Variants in FAM120A observed in about 807,000 individuals in gnomAD.
FAM120A encodes the protein constitutive coactivator of PPAR-gamma-like protein 1.
FAM120A carries 15 observed loss-of-function variants against 109.7 expected under a neutral mutation model. That is an observed-to-expected ratio of 0.14 (90% confidence interval 0.09 to 0.21). FAM120A has a LOEUF of 0.21. FAM120A is among the 10% of genes least tolerant of loss of function. The probability of loss-of-function intolerance (pLI) is 1.00; values close to 1 mark genes in which losing one functional copy is unlikely to be tolerated. For missense variants in FAM120A, 899 were observed against 1,439.3 expected, an observed-to-expected ratio of 0.62 and a Z score of 6.07; for synonymous variants, 493 against 572.8, an observed-to-expected ratio of 0.86 and a Z score of 1.99.
chr9:93,489,371 G>C (rs1344333961), intron 3 of FAM120A, among the ~76,000 whole-genome samples: 1 of 152,108 alleles, frequency 6.6e-6, no homozygotes, highest in Non-Finnish European at 1.5e-5. Flanking sequence ...ATACATGACA[G>C]GTATTCCCCC....
At chr9:93,557,294 T>C (rs1489801477) in intron 13 of FAM120A, among the ~76,000 whole-genome samples, 1 of 152,152 alleles carries the variant, frequency 6.6e-6, no homozygotes, top group African/African-American at 2.4e-5. Context: ...CATGCCCAGC[T>C]AATTTTTGTA....
Position 93,471,369 on chromosome 9 carries a change from A to G in FAM120A, c.703A>G (p.Ile235Val), listed in dbSNP as rs368570688. The part of the protein sequence containing the change: ...QLDLNPNRFP[I>V]FAALLGNHIL... ...GGACCTGAATCCAAATCGTTTTCCT[A>G]TTTTTGCTGCTCTCTTAGGTAGGTG... The change falls in exon 2 of 18, where the codon ATT becomes GTT. Residue 235 changes from isoleucine (I) to valine (V), a missense_variant. Physicochemically the swap from Ile to Val is conservative, Grantham distance 29. Transcript: ENST00000277165. 1.2e-5 allele frequency: 20 copies of G among 1,614,034 alleles called. No individual in the cohort carries two copies. The highest frequency in any genetic ancestry group is 1.2e-4 in the African/African-American group (9 of 74,906).
chr9:93,453,841 T>G (rs560468332), intron 1 of FAM120A, among the ~76,000 whole-genome samples: 3 of 152,220 alleles, frequency 2.0e-5, no homozygotes, highest in Non-Finnish European at 2.9e-5. Context: ...AAAGTGTTCA[T>G]AGTTTAGTCT....
At chr9:93,509,819 TAA>T (rs1166223800) in intron 5 of FAM120A, among the ~76,000 whole-genome samples, 2 of 152,188 alleles carry the variant, frequency 1.3e-5, no homozygotes, top group Non-Finnish European at 2.9e-5. Flanking sequence ...AGTCTTTTAA[TAA>T]AAAAGAGATG....
At chr9:93,464,517 C>G (rs895340879) in intron 1 of FAM120A, among the ~76,000 whole-genome samples, 1 of 152,094 alleles carries the variant, frequency 6.6e-6, no homozygotes, top group Non-Finnish European at 1.5e-5. Context: ...TCCTGGCTGC[C>G]CCAGGTTAGA....
chr9:93,511,793 G>GTTTA (rs1255041786), intron 5 of FAM120A, among the ~76,000 whole-genome samples: 2 of 152,112 alleles, frequency 1.3e-5, no homozygotes, highest in African/African-American at 2.4e-5. Context: ...ATGTCTGCCT[G>GTTTA]TTTATTTATT....
intron 5 of FAM120A, among the ~76,000 whole-genome samples, chr9:93,507,934 G>A (rs540209748): frequency 2.0e-5 from 3 of 152,294 alleles, no homozygotes; most frequent in African/African-American, 7.2e-5. Flanking sequence ...TTCCATAAAG[G>A]GGTGGGGCTT....
In FAM120A at chr9:93,556,554, G is replaced by A; in HGVS notation, c.2447G>A (p.Arg816Gln). ...LFQSKLLKAS[R>Q]EKTPLIDLCD... ...CAATCCAAACTCCTCAAAGCCAGCC[G>A]GGAAAAGACCCCACTCATTGACCTC... The change falls in exon 13 of 18, where the codon CGG (arginine) becomes CAG (glutamine). Residue 816 changes from arginine (R) to glutamine (Q), a missense_variant. Physicochemically the swap from Arg to Gln is conservative, Grantham distance 43. Around this residue, in one of 11 missense-constraint regions of FAM120A, gnomAD observed 31 missense variants for 73.0 expected, o/e 0.42. Transcript: ENST00000277165. The A allele has an allele frequency of 2.5e-6, 4 of 1,614,144 alleles. 1 individual carries two copies. Among genetic ancestry groups the A allele is most frequent in the South Asian group, 2.2e-5 (2 of 91,078 alleles).
intron 12 of FAM120A, among the ~76,000 whole-genome samples, chr9:93,551,798 T>TA (rs1306371340): frequency 6.6e-6 from 1 of 152,162 alleles, no homozygotes; most frequent in Admixed American, 6.6e-5. Context: ...ATAAGCTAAG[T>TA]AAAAAAAACA....
chr9:93,543,074 G>T, intron 10 of FAM120A, 148 bp from the exon 11 acceptor site: 1 of 954,708 alleles, frequency 1.0e-6, no homozygotes, highest in Non-Finnish European at 1.6e-6. Flanking sequence ...ACAAGGACTT[G>T]ATGATTGGTA....
In FAM120A at chr9:93,452,557, C is replaced by A. The variant is rs1264136378; in HGVS notation, c.474+168C>A. 1.9e-6 allele frequency: 3 copies of A among 1,584,992 alleles called. No individual in the cohort carries two copies. The highest frequency in any genetic ancestry group is 2.6e-6 in the Non-Finnish European group (3 of 1,172,372). On this transcript the variant is annotated intron_variant, in intron 1 of 17. Coordinates refer to ENST00000277165, the MANE Select transcript of FAM120A (RefSeq NM_014612.5). This position sits in a 1 kb window ranked among gnomAD's most constrained non-coding sequence, Gnocchi z 7.0. ...GGCCGGGCTGCAAGATGGATGGCCG[C>A]GGGTGCAGGCCGCGCGCTGCCCAAG...
intron 7 of FAM120A, among the ~76,000 whole-genome samples, chr9:93,520,027 C>G (rs1027515983): frequency 3.9e-5 from 6 of 152,000 alleles, no homozygotes; most frequent in African/African-American, 1.4e-4. Context: ...ACATGTTCCA[C>G]CACACCCAGC....
At position 93,452,866 on chromosome 9, in the gene FAM120A, A is replaced by G. The variant is rs1230680164; in HGVS notation, c.474+477A>G. On this transcript the variant is annotated intron_variant, in intron 1 of 17. Coordinates refer to ENST00000277165, the MANE Select transcript of FAM120A (RefSeq NM_014612.5). The surrounding 1 kb of genome is among the most constrained non-coding windows in gnomAD (Gnocchi z 7.0). ...TTCGCCAGAGCCCTTGGGGGCTGCA[A>G]ATATCAGTGCTGCTGCCGCCGCCCT... 4.8e-6 allele frequency: 7 copies of G among 1,471,538 alleles called. No homozygotes were observed. The African/African-American group carries it at 7.1e-5, about 15-fold the overall frequency. The allele number at this position is 1,471,538 out of a possible 1,614,324, so 91.2% of individuals were successfully genotyped here. A position where few individuals can be genotyped will look rare whatever the true frequency, so the allele number is the denominator to read the frequency against.
At chr9:93,482,671 G>A (rs1183909044) in intron 3 of FAM120A, among the ~76,000 whole-genome samples, 2 of 152,152 alleles carry the variant, frequency 1.3e-5, no homozygotes, top group African/African-American at 4.8e-5. Context: ...CGATGGTAGG[G>A]CCGTCAGTCT....
chr9:93,497,319 T>C, intron 3 of FAM120A, 152 bp from the exon 4 acceptor site: 1 of 994,414 alleles, frequency 1.0e-6, no homozygotes, highest in Non-Finnish European at 1.5e-6. Flanking sequence ...CTTAGGAAAG[T>C]CTTAGGGCCA....
chr9:93,556,012 T>C (rs1862269591), intron 12 of FAM120A, among the ~76,000 whole-genome samples: 1 of 152,174 alleles, frequency 6.6e-6, no homozygotes, highest in African/African-American at 2.4e-5. Flanking sequence ...ATCTGAAATG[T>C]GAAGTGTTAT....
rs1385306841 is a variant in FAM120A, at chr9:93,566,030, G to A, written c.*1490G>A. 4 of 152,622 alleles carry A rather than the reference G, an allele frequency of 2.6e-5. No individual in the cohort carries two copies. Among genetic ancestry groups the A allele is most frequent in the African/African-American group, 2.4e-5 (1 of 41,432 alleles). 9.5% of individuals were successfully genotyped at this position (152,622 alleles called of 1,614,324 possible). ...CTGCTGTTGGGTTTGATTGACTGTCGATGGATTGTGGTGTGGTGTATCTGA... is the reference window on the plus strand; with the variant it reads ...CTGCTGTTGGGTTTGATTGACTGTCAATGGATTGTGGTGTGGTGTATCTGA... On this transcript the variant is annotated 3_prime_UTR_variant, in exon 18 of 18. Transcript: ENST00000277165.
intron 2 of FAM120A, among the ~76,000 whole-genome samples, chr9:93,472,807 C>T (rs141042443): frequency 3.3e-5 from 5 of 152,186 alleles, no homozygotes; most frequent in Admixed American, 1.3e-4. Context: ...AAAACGATTG[C>T]GCTATTGATT....
At chr9:93,558,777 G>A (rs900245445) in intron 15 of FAM120A, 59 bp downstream of exon 15, 39 of 1,585,146 alleles carry the variant, frequency 2.5e-5, no homozygotes, top group African/African-American at 1.3e-4. Flanking sequence ...TCGCTCCATC[G>A]TCTGGCGCCT....
Sources: allele counts gnomAD v4.1 joint callset (sites outside exome capture counted in the v4.1 genomes callset), GRCh38; gene constraint gnomAD v4.1.1; regional missense constraint gnomAD v4.1.1; non-coding constraint Gnocchi (gnomAD v3.1); transcripts MANE v1.5; gene names NCBI Gene and HGNC (gene_info 2026-07-23, HGNC 2026-07-21).